KCNIP3: variants seen among roughly 807,000 people sequenced by gnomAD.
KCNIP3 encodes potassium voltage-gated channel interacting protein 3.
In KCNIP3, 28 loss-of-function variants were observed where a neutral mutation model predicts 35.0. That is an observed-to-expected ratio of 0.80 (90% CI 0.59 to 1.10). KCNIP3 has a LOEUF of 1.10. Among genes scored for constraint, KCNIP3 ranks in the 50% least tolerant of loss-of-function variants. The pLI, the probability that KCNIP3 is intolerant of heterozygous loss-of-function variation, is 0.00. For missense variants in KCNIP3, 295 were observed against 338.4 expected (o/e 0.87, Z 1.01); for synonymous variants, 134 against 133.8 (o/e 1.00, Z -0.01).
chr2:95,297,499 G>A (rs750150417), intron 1 of KCNIP3, 46 bp downstream of exon 1: 1 of 730,640 alleles, frequency 1.4e-6, no homozygotes, highest in Admixed American at 2.2e-5. Context: ...GGGGTCGGGG[G>A]GAGGAATGGA....
rs1177074430 is a variant in KCNIP3, at chr2:95,329,241, C to T, written c.181+18721C>T. Among the ~76,000 whole-genome samples the T allele has an allele frequency of 2.0e-5, 3 of 152,288 alleles. No homozygotes were observed. In the East Asian group the frequency reaches 5.8e-4, roughly 29 times the overall value. Reference sequence around the variant, plus strand: ...CAGCGCGGGCCAAGCCTCAGAGTGGCCCTACAACCTTCTTATCCCATAGCA... The same window carrying T: ...CAGCGCGGGCCAAGCCTCAGAGTGGTCCTACAACCTTCTTATCCCATAGCA... On this transcript the variant is annotated intron_variant, in intron 2 of 8. Transcript: ENST00000295225.
chr2:95,332,119 G>A (rs914198537), intron 2 of KCNIP3, among the ~76,000 whole-genome samples: 1 of 152,234 alleles, frequency 6.6e-6, no homozygotes, highest in Admixed American at 6.5e-5. Flanking sequence ...CAGACAGAGA[G>A]AGGAGGCACA....
Position 95,334,787 on chromosome 2 carries a change from C to T in KCNIP3, c.181+24267C>T, listed in dbSNP as rs139348680. On this transcript the variant is annotated intron_variant, in intron 2 of 8. Coordinates refer to ENST00000295225, the MANE Select transcript of KCNIP3 (RefSeq NM_013434.5). ...GTGAGGGGCTCACAGGACAAGCTGG[C>T]CTCAAACGTTCCCCTTCCATTGCCT... is the stretch of plus-strand genomic sequence containing the variant. 1.4e-4 allele frequency among the ~76,000 whole-genome samples: 21 copies of T among 152,272 alleles called. No homozygotes were observed. In the Middle Eastern group the frequency reaches 0.01, roughly 74 times the overall value.
intron 2 of KCNIP3, among the ~76,000 whole-genome samples, chr2:95,341,633 G>A (rs1679197477): frequency 6.6e-6 from 1 of 152,184 alleles, no homozygotes; most frequent in Admixed American, 6.5e-5. Context: ...ATTTTACAAG[G>A]AGGAAAGGAA....
rs1259554392 is a variant in KCNIP3 at position 95,376,945 on chromosome 2, A to G, written c.447+1737A>G. Among the ~76,000 whole-genome samples, 1 of 152,230 alleles carries G rather than the reference A, an allele frequency of 6.6e-6. No homozygotes were observed. Among genetic ancestry groups the G allele is most frequent in the Non-Finnish European group, 1.5e-5 (1 of 68,034 alleles). On this transcript the variant is annotated intron_variant, in intron 5 of 8. Transcript: ENST00000295225. This position sits in a 1 kb window ranked among gnomAD's most constrained non-coding sequence, Gnocchi z 4.2. ...TGCATATTAGTTACAGTTTACTGAT[A>G]TGGTAAAAGGTAATACCCTCCCTCC...
intron 2 of KCNIP3, chr2:95,310,973 C>A (rs1451420029): frequency 1.4e-5 from 3 of 219,574 alleles, no homozygotes; most frequent in South Asian, 7.3e-5. Flanking sequence ...TCAGGAGGCC[C>A]CACCCTCAGC....
Position 95,325,614 on chromosome 2 carries a change from T to TAC in KCNIP3, c.181+15105_181+15106dup, listed in dbSNP as rs548674014. 4.8e-3 allele frequency among the ~76,000 whole-genome samples: 719 copies of TAC among 149,480 alleles called. 12 individuals carry two copies. The highest frequency in any genetic ancestry group is 0.015 in the African/African-American group (612 of 40,484). The stretch of plus-strand genomic sequence containing the variant: ...ACGCACTCACACACTCATACACACG[T>TAC]ACACACACACACTCACACACACACA... On this transcript the variant is annotated intron_variant, in intron 2 of 8. Coordinates refer to ENST00000295225, the MANE Select transcript of KCNIP3 (RefSeq NM_013434.5).
chr2:95,383,884 T>C (rs1158494031), intron 8 of KCNIP3, 118 bp from the exon 9 acceptor site: 1 of 881,990 alleles, frequency 1.1e-6, no homozygotes, highest in Non-Finnish European at 1.9e-6. Flanking sequence ...CTGCACCCAA[T>C]AAGACAGACA....
chr2:95,305,465 A>G (rs1396529214), intron 1 of KCNIP3, among the ~76,000 whole-genome samples: 2 of 152,198 alleles, frequency 1.3e-5, no homozygotes, highest in Admixed American at 6.5e-5. Context: ...AGTGTCTGCA[A>G]TGATGCAACC....
chr2:95,359,896 AGG>A (rs1679747899), intron 2 of KCNIP3, among the ~76,000 whole-genome samples: 1 of 152,252 alleles, frequency 6.6e-6, no homozygotes, highest in Admixed American at 6.5e-5. Flanking sequence ...AAGGTAGTCC[AGG>A]GCAGCAGGTC....
At chr2:95,299,555 G>C (rs753928747) in intron 1 of KCNIP3, among the ~76,000 whole-genome samples, 1 of 152,204 alleles carries the variant, frequency 6.6e-6, no homozygotes, top group Non-Finnish European at 1.5e-5. Context: ...AGACACTGAG[G>C]CTCAGAAAAC....
At chr2:95,344,943 T>A (rs369232859) in intron 2 of KCNIP3, among the ~76,000 whole-genome samples, 1 of 152,210 alleles carries the variant, frequency 6.6e-6, no homozygotes, top group Admixed American at 6.5e-5. Context: ...GTTCAGCACT[T>A]AAGTGTGTAA....
chr2:95,383,374 C>T (rs541072736), intron 8 of KCNIP3, 80 bp downstream of exon 8: 1 of 1,403,926 alleles, frequency 7.1e-7, no homozygotes, highest in East Asian at 2.4e-5. Flanking sequence ...CTGCCCCTTC[C>T]CTCACCCCAG....
chr2:95,329,978 C>A (rs909391188), intron 2 of KCNIP3, among the ~76,000 whole-genome samples: 8 of 152,244 alleles, frequency 5.3e-5, no homozygotes, highest in Non-Finnish European at 8.8e-5. Context: ...AGGCCCCTCT[C>A]CCCATTTCTG....
chr2:95,346,670 C>G (rs1679377607), intron 2 of KCNIP3: 1 of 146,302 alleles, frequency 6.8e-6, no homozygotes, highest in African/African-American at 2.5e-5. Context: ...AGGCGCAGCG[C>G]CCGCGCCGGG....
At chr2:95,336,251 C>T (rs1161817469) in intron 2 of KCNIP3, among the ~76,000 whole-genome samples, 2 of 152,222 alleles carry the variant, frequency 1.3e-5, no homozygotes, top group Non-Finnish European at 2.9e-5. Flanking sequence ...CAACTTCAGG[C>T]ATATGCAGAG....
At chr2:95,371,461 T>C (rs1680039983) in intron 2 of KCNIP3, among the ~76,000 whole-genome samples, 1 of 152,220 alleles carries the variant, frequency 6.6e-6, no homozygotes, top group Admixed American at 6.5e-5. Context: ...CAGCATCTGA[T>C]ATATATTGGT....
intron 2 of KCNIP3, among the ~76,000 whole-genome samples, chr2:95,373,708 G>A (rs757163439): frequency 2.0e-5 from 3 of 152,260 alleles, no homozygotes; most frequent in Middle Eastern, 3.4e-3. Context: ...GTGAGTCACC[G>A]CACCCTGCCA....
chr2:95,316,583 G>A (rs1274115239), intron 2 of KCNIP3, among the ~76,000 whole-genome samples: 1 of 152,206 alleles, frequency 6.6e-6, no homozygotes, highest in Non-Finnish European at 1.5e-5. Flanking sequence ...AGCCCACACA[G>A]CCTCATTTCA....
Sources: gnomAD v4.1 joint callset for allele counts (sites outside exome capture counted in the v4.1 genomes callset) on GRCh38, gnomAD v4.1.1 for gene constraint, Gnocchi (gnomAD v3.1) non-coding constraint, MANE v1.5 for transcripts, NCBI Gene and HGNC (gene_info 2026-07-23, HGNC 2026-07-21) for gene names.